Variants in AASS observed in about 807,000 individuals in gnomAD.
AASS encodes aminoadipate-semialdehyde synthase, also known as alpha-aminoadipic semialdehyde synthase, mitochondrial.
In AASS, 86 loss-of-function variants were observed where a neutral mutation model predicts 105.4. The observed-to-expected ratio is 0.82, with a 90% CI of 0.69 to 0.98. The LOEUF (loss-of-function observed/expected upper bound fraction) is 0.98, where lower values mean the gene tolerates loss of function less well. Ranked by LOEUF, AASS falls within the 50% of genes least tolerant of loss-of-function variation. AASS has a pLI of 0.00. For missense variants in AASS, 1,048 were observed against 1,143.2 expected (o/e 0.92, Z 1.20); for synonymous variants, 381 against 394.8 (o/e 0.96, Z 0.41).
chr7:122,134,891 T>TAA (rs1441621413), intron 1 of AASS, among the ~76,000 whole-genome samples: 1 of 152,124 alleles, frequency 6.6e-6, no homozygotes, highest in Non-Finnish European at 1.5e-5. Context: ...CCATCAGTGA[T>TAA]AGACTGGATT....
intron 1 of AASS, among the ~76,000 whole-genome samples, chr7:122,137,495 T>C (rs937188578): frequency 1.3e-5 from 2 of 152,174 alleles, no homozygotes; most frequent in African/African-American, 4.8e-5. Context: ...TTGACCCCTT[T>C]TCCTGCTTTA....
chr7:122,113,164 G>C lies in AASS; in HGVS notation c.1232C>G (p.Ala411Gly), dbSNP rs770064872. 1 of 1,614,026 alleles carries C rather than the reference G, an allele frequency of 6.2e-7. No homozygotes were observed. Among genetic ancestry groups the C allele is most frequent in the Admixed American group, 1.7e-5 (1 of 60,012 alleles). ...AAGCATGTCTCCAAAGCATTCTGTA[G>C]CTTCAATTGGGAGCTGTGCCGGCAA... is the stretch of plus-strand genomic sequence containing the variant. ...DNLPAQLPIEATECFGDMLYP... is the reference protein window; with the variant it reads ...DNLPAQLPIEGTECFGDMLYP... Residue 411 changes from alanine (A) to glycine (G), a missense_variant, in exon 11 of 24, where the codon GCT (alanine) becomes GGT (glycine). Transcript: ENST00000417368.
At chr7:122,118,515 G>A in intron 5 of AASS, 48 bp downstream of exon 5, 1 of 1,613,898 alleles carries the variant, frequency 6.2e-7, no homozygotes, top group Non-Finnish European at 8.5e-7. Flanking sequence ...TTATTATTAA[G>A]GTGTGAGATG....
chr7:122,115,615 C>T lies in AASS; in HGVS notation c.895-393G>A, dbSNP rs191746155. 2.0e-3 allele frequency among the ~76,000 whole-genome samples: 299 copies of T among 152,200 alleles called. 2 individuals carry two copies. Among genetic ancestry groups the T allele is most frequent in the African/African-American group, 6.8e-3 (281 of 41,538 alleles). ...ACTTCCCTGGGCTCTATTTTTCTTA[C>T]TTGCCAGATGGGGATAATACGCACC... On this transcript the variant is annotated intron_variant, in intron 8 of 23. Coordinates refer to ENST00000417368, the MANE Select transcript of AASS (RefSeq NM_005763.4).
intron 2 of AASS, among the ~76,000 whole-genome samples, chr7:122,130,745 G>T (rs866657529): frequency 6.6e-6 from 1 of 151,946 alleles, no homozygotes; most frequent in Non-Finnish European, 1.5e-5. Flanking sequence ...AACAGAGATA[G>T]TTAAAGGATG....
At chr7:122,118,208 C>T (rs1348077114) in intron 6 of AASS, 99 bp downstream of exon 6, 2 of 1,351,742 alleles carry the variant, frequency 1.5e-6, no homozygotes, top group Non-Finnish European at 2.1e-6. Context: ...AATAGAATCT[C>T]CAGTCCATTT....
intron 15 of AASS, among the ~76,000 whole-genome samples, chr7:122,098,065 G>A (rs181797899): frequency 1.6e-4 from 24 of 151,990 alleles, no homozygotes; most frequent in African/African-American, 5.8e-4. Context: ...TCACAACATT[G>A]AATGGAAGAA....
At chr7:122,093,579 G>T (rs370085178) in intron 15 of AASS, among the ~76,000 whole-genome samples, 2 of 152,294 alleles carry the variant, frequency 1.3e-5, no homozygotes, top group South Asian at 2.1e-4. Flanking sequence ...GGAGGCCAAA[G>T]ACAGGTGAGT....
At chr7:122,135,159 G>A (rs1796085389) in intron 1 of AASS, among the ~76,000 whole-genome samples, 1 of 151,664 alleles carries the variant, frequency 6.6e-6, no homozygotes, top group South Asian at 2.1e-4. Flanking sequence ...AGCATTAGGA[G>A]ATACACCTAA....
intron 11 of AASS, among the ~76,000 whole-genome samples, chr7:122,111,405 T>C (rs770117210): frequency 9.2e-5 from 14 of 152,130 alleles, no homozygotes; most frequent in Non-Finnish European, 1.8e-4. Context: ...ACTAAGAGAA[T>C]CTGTCATCAG....
At position 122,093,146 on chromosome 7, in the gene AASS, A is replaced by G; in HGVS notation, c.1668T>C (p.Tyr556=). Reference sequence around the variant, plus strand: ...CCTTGGCCACAAGAGGGTGCAATACATAAGGCAACAAGCTTGAAAACAGGA... The same window carrying G: ...CCTTGGCCACAAGAGGGTGCAATACGTAAGGCAACAAGCTTGAAAACAGGA... ...KQDLVISLLP[Y]VLHPLVAKAC... Residue 556 remains tyrosine, a synonymous_variant, in exon 16 of 24, where the codon TAT becomes TAC. Transcript: ENST00000417368. 6.2e-7 allele frequency: 1 copy of G among 1,613,498 alleles called. No individual in the cohort carries two copies. The highest frequency in any genetic ancestry group is 8.5e-7 in the Non-Finnish European group (1 of 1,179,454).
chr7:122,137,219 A>G (rs1325379230), intron 1 of AASS, among the ~76,000 whole-genome samples: 1 of 152,234 alleles, frequency 6.6e-6, no homozygotes, highest in Non-Finnish European at 1.5e-5. Context: ...TTAAGTAGAT[A>G]CATATCCCCA....
At chr7:122,083,962 A>G (rs531057120) in intron 19 of AASS, among the ~76,000 whole-genome samples, 22 of 152,282 alleles carry the variant, frequency 1.4e-4, no homozygotes, top group African/African-American at 5.1e-4. Context: ...CAAGGAATCC[A>G]TGGGGATGGC....
At chr7:122,102,519 G>C (rs1009008688) in intron 11 of AASS, among the ~76,000 whole-genome samples, 2 of 152,006 alleles carry the variant, frequency 1.3e-5, no homozygotes, top group South Asian at 2.1e-4. Context: ...TATAGGTTAA[G>C]ATCTAGCTCT....
At chr7:122,122,798 G>A (rs1172354307) in intron 4 of AASS, among the ~76,000 whole-genome samples, 1 of 152,122 alleles carries the variant, frequency 6.6e-6, no homozygotes, top group African/African-American at 2.4e-5. Flanking sequence ...TGATTGATAG[G>A]TAGATGGACT....
intron 15 of AASS, 111 bp downstream of exon 15, chr7:122,098,339 T>G (rs994187056): frequency 1.6e-6 from 2 of 1,259,002 alleles, no homozygotes; most frequent in Non-Finnish European, 2.2e-6. Context: ...CATACTTCAA[T>G]TAAAAACTTT....
intron 4 of AASS, among the ~76,000 whole-genome samples, chr7:122,123,578 A>G (rs1411328528): frequency 6.6e-6 from 1 of 152,196 alleles, no homozygotes; most frequent in East Asian, 1.9e-4. Context: ...TTCTCAGTCA[A>G]TTTTGACCAA....
intron 11 of AASS, 121 bp from the exon 12 acceptor site, chr7:122,101,801 G>C (rs1338500801): frequency 2.6e-6 from 2 of 777,200 alleles, no homozygotes; most frequent in Non-Finnish European, 4.4e-6. Flanking sequence ...AGTTTTCTGA[G>C]GATCACCGAG....
chr7:122,114,520 G>C (rs551294147), intron 9 of AASS, among the ~76,000 whole-genome samples: 1 of 152,216 alleles, frequency 6.6e-6, no homozygotes, highest in South Asian at 2.1e-4. Flanking sequence ...CAACGTACTA[G>C]GTGCTTGTGG....
Sources: gnomAD v4.1 joint callset for allele counts (sites outside exome capture counted in the v4.1 genomes callset) on GRCh38, gnomAD v4.1.1 for gene constraint, MANE v1.5 for transcripts, NCBI Gene and HGNC (gene_info 2026-07-23, HGNC 2026-07-21) for gene names.